The following CSMD3 variants were observed in gnomAD, a reference collection of about 807,000 sequenced individuals.
CSMD3 encodes CUB and Sushi multiple domains 3.
CSMD3 carries 177 observed loss-of-function variants against 435.2 expected under a neutral mutation model. The ratio of observed to expected loss-of-function variants is 0.41; its 90% CI spans 0.36 to 0.46. The LOEUF (loss-of-function observed/expected upper bound fraction) is 0.46. Ranked by LOEUF, CSMD3 falls within the 20% of genes least tolerant of loss-of-function variation. The pLI is 0.34. For synonymous variants in CSMD3, 1,656 were observed against 1,520.5 expected, an observed-to-expected ratio of 1.09 and a Z score of -2.07; for missense variants, 4,265 against 4,504.6, an observed-to-expected ratio of 0.95 and a Z score of 1.52.
At chr8:113,323,539 A>G (rs1182224326) in intron 1 of CSMD3, among the ~76,000 whole-genome samples, 5 of 152,182 alleles carry the variant, frequency 3.3e-5, no homozygotes, top group Admixed American at 2.0e-4. Context: ...ATTTTGCCCT[A>G]TAAGATTTCA....
In CSMD3 at chr8:112,995,407, C is replaced by A. The variant is rs571864859; in HGVS notation, c.1031-19259G>T. The stretch of plus-strand genomic sequence containing the variant: ...TTCAAAGATATTAAACAGCTCGAAG[C>A]AGATGTTTGTTGCTTTCTGGACACC... On this transcript the variant is annotated intron_variant, in intron 6 of 70. Coordinates refer to ENST00000297405, the MANE Select transcript of CSMD3 (RefSeq NM_198123.2). 2.6e-5 allele frequency among the ~76,000 whole-genome samples: 4 copies of A among 151,508 alleles called. No individual in the cohort carries two copies. The East Asian group carries it at 5.8e-4, about 22-fold the overall frequency.
intron 13 of CSMD3, among the ~76,000 whole-genome samples, chr8:112,787,805 G>T (rs1045272453): frequency 6.6e-6 from 1 of 152,110 alleles, no homozygotes; most frequent in African/African-American, 2.4e-5. Flanking sequence ...AAGTGGGGTG[G>T]TCGGGAGAGG....
At chr8:112,650,625 A>C (rs145326143) in intron 18 of CSMD3, among the ~76,000 whole-genome samples, 1 of 152,184 alleles carries the variant, frequency 6.6e-6, no homozygotes, top group Non-Finnish European at 1.5e-5. Flanking sequence ...GTATATATAC[A>C]CATATATCAC....
At chr8:112,452,933 T>C (rs994070927) in intron 32 of CSMD3, among the ~76,000 whole-genome samples, 4 of 152,146 alleles carry the variant, frequency 2.6e-5, no homozygotes, top group Admixed American at 2.6e-4. Context: ...AGAAAAGCAA[T>C]GGCCTAAATG....
Position 112,550,817 on chromosome 8 carries a change from T to A in CSMD3, c.4418A>T (p.Asp1473Val). Residue 1473 changes from aspartate (D) to valine (V), a missense_variant, in exon 27 of 71, where the codon GAC (aspartate) becomes GTC (valine). Coordinates refer to ENST00000297405, the MANE Select transcript of CSMD3 (RefSeq NM_198123.2). ...EASHDILRVW[D>V]GPPENDMLLK... is the part of the protein sequence containing the mutation. Reference sequence around the variant, plus strand: ...AAGCATATCATTTTCTGGTGGACCGTCCCAGACTCGGAGTATATCATGTGA... The same window carrying A: ...AAGCATATCATTTTCTGGTGGACCGACCCAGACTCGGAGTATATCATGTGA... 2 of 1,612,192 alleles carry A rather than the reference T, an allele frequency of 1.2e-6. No individual in the cohort carries two copies. Among genetic ancestry groups the A allele is most frequent in the Non-Finnish European group, 1.7e-6 (2 of 1,178,608 alleles).
chr8:112,302,810 C>T (rs1821064778), intron 52 of CSMD3, among the ~76,000 whole-genome samples: 1 of 151,114 alleles, frequency 6.6e-6, no homozygotes, highest in Admixed American at 6.6e-5. Context: ...TTGAGCTCAT[C>T]CCCCCAAAAA....
At chr8:113,099,353 C>T (rs1279069743) in intron 4 of CSMD3, among the ~76,000 whole-genome samples, 1 of 151,790 alleles carries the variant, frequency 6.6e-6, no homozygotes, top group African/African-American at 2.4e-5. Flanking sequence ...TGTTTATTGA[C>T]GGAAGAGCTT....
At chr8:113,044,428 AT>A (rs955582614) in intron 5 of CSMD3, among the ~76,000 whole-genome samples, 2 of 148,838 alleles carry the variant, frequency 1.3e-5, no homozygotes, top group African/African-American at 2.4e-5. Flanking sequence ...ATTGTTAAAC[AT>A]TTTTTTCTGA....
At chr8:112,689,450 C>G (rs944261256) in intron 14 of CSMD3, among the ~76,000 whole-genome samples, 1 of 151,730 alleles carries the variant, frequency 6.6e-6, no homozygotes, top group Non-Finnish European at 1.5e-5. Flanking sequence ...CATCTACAAG[C>G]AAAAATAAGT....
intron 5 of CSMD3, among the ~76,000 whole-genome samples, chr8:113,055,181 C>CAG (rs1363729523): frequency 6.6e-6 from 1 of 152,124 alleles, no homozygotes; most frequent in Admixed American, 6.5e-5. Flanking sequence ...CAAAAAGTCT[C>CAG]ACTCTGTCGC....
chr8:112,728,376 T>G lies in CSMD3; in HGVS notation c.1973-38326A>C, dbSNP rs1360921303. 2.6e-5 allele frequency among the ~76,000 whole-genome samples: 4 copies of G among 151,990 alleles called. No individual in the cohort carries two copies. In the East Asian group the frequency reaches 7.7e-4, roughly 29 times the overall value. On this transcript the variant is annotated intron_variant, in intron 13 of 70. Transcript: ENST00000297405. Reference sequence around the variant, plus strand: ...CAATAAAGAATTAAAATAAGTTATATATCTATACACGTATGTATGTAAATA... The same window carrying G: ...CAATAAAGAATTAAAATAAGTTATAGATCTATACACGTATGTATGTAAATA...
chr8:112,566,870 C>G (rs1431753273), intron 24 of CSMD3, among the ~76,000 whole-genome samples: 2 of 152,104 alleles, frequency 1.3e-5, no homozygotes, highest in Non-Finnish European at 2.9e-5. Flanking sequence ...TTCAACTAAT[C>G]TTTTGGACCT....
At chr8:112,896,625 C>T (rs1048204570) in intron 10 of CSMD3, among the ~76,000 whole-genome samples, 5 of 151,398 alleles carry the variant, frequency 3.3e-5, no homozygotes, top group Non-Finnish European at 7.4e-5. Flanking sequence ...ATTTCCACCA[C>T]CACTACAACA....
At chr8:112,673,268 AT>A (rs1404059266) in intron 16 of CSMD3, among the ~76,000 whole-genome samples, 6 of 152,106 alleles carry the variant, frequency 3.9e-5, no homozygotes, top group Admixed American at 1.3e-4. Context: ...AAAAAAAAAA[AT>A]TACAATGAAC....
In CSMD3 at chr8:112,525,055, A is replaced by C. The variant is rs552071329; in HGVS notation, c.4565-7830T>G. Reference sequence around the variant, plus strand: ...ATCATCATAAGCCATACTATTTTTAATTGAGAAAATTTCCTCTTTGTAAGT... The same window carrying C: ...ATCATCATAAGCCATACTATTTTTACTTGAGAAAATTTCCTCTTTGTAAGT... On this transcript the variant is annotated intron_variant, in intron 27 of 70. Transcript: ENST00000297405. Among the ~76,000 whole-genome samples, 3 of 151,944 alleles carry C rather than the reference A, an allele frequency of 2.0e-5. No homozygotes were observed. In the East Asian group the frequency reaches 5.8e-4, roughly 29 times the overall value.
chr8:112,576,846 A>G (rs1237141247), intron 23 of CSMD3, among the ~76,000 whole-genome samples: 1 of 56,170 alleles, frequency 1.8e-5, no homozygotes, highest in Non-Finnish European at 5.1e-5. Flanking sequence ...ATATATATAT[A>G]TATATATATA....
Position 112,346,322 on chromosome 8 carries a change from T to C in CSMD3, c.6326-109A>G, listed in dbSNP as rs1586833485. On this transcript the variant is annotated intron_variant, in intron 40 of 70. Transcript: ENST00000297405. ...TTTCAAGGCTCTGAGTTAAAACTGA[T>C]ATAAATTTGAATATTGTCTGTTCAC... The C allele has an allele frequency of 1.1e-5, 8 of 752,426 alleles. No homozygotes were observed. The East Asian group carries it at 2.1e-4, about 20-fold the overall frequency. 46.6% of individuals were successfully genotyped at this position (752,426 alleles called of 1,614,324 possible). A position where few individuals can be genotyped will look rare whatever the true frequency, so the allele number is the denominator to read the frequency against.
intron 10 of CSMD3, among the ~76,000 whole-genome samples, chr8:112,913,283 T>G (rs1436973756): frequency 6.6e-6 from 1 of 151,860 alleles, no homozygotes; most frequent in Non-Finnish European, 1.5e-5. Context: ...TAGATTCTCA[T>G]AAGGAGCATG....
chr8:112,294,057 T>C lies in CSMD3; in HGVS notation c.8615-1347A>G, dbSNP rs533660188. 2.6e-5 allele frequency among the ~76,000 whole-genome samples: 4 copies of C among 152,164 alleles called. No homozygotes were observed. The East Asian group carries it at 7.8e-4, about 30-fold the overall frequency. On this transcript the variant is annotated intron_variant, in intron 54 of 70. Coordinates refer to ENST00000297405, the MANE Select transcript of CSMD3 (RefSeq NM_198123.2). The stretch of plus-strand genomic sequence containing the variant: ...AGGGCAGACACAAGCAGGATATTGT[T>C]GTCTTTAAATCATCAGACAATCAAT...
Sources: gnomAD v4.1 joint callset for allele counts (sites outside exome capture counted in the v4.1 genomes callset) on GRCh38, gnomAD v4.1.1 for gene constraint, MANE v1.5 for transcripts, NCBI Gene and HGNC (gene_info 2026-07-23, HGNC 2026-07-21) for gene names.